PTPRD: variants seen among roughly 807,000 people sequenced by gnomAD.
The protein encoded by PTPRD is protein tyrosine phosphatase receptor type D.
PTPRD carries 34 observed loss-of-function variants against 214.5 expected under a neutral mutation model. The observed-to-expected ratio is 0.16, with a 90% CI of 0.12 to 0.21. PTPRD has a LOEUF of 0.21. Ranked by LOEUF, PTPRD falls within the 10% of genes least tolerant of loss-of-function variation. The pLI is 1.00. For synonymous variants in PTPRD, 1,128 were observed against 845.7 expected (o/e 1.33, Z -5.79); for missense variants, 2,545 against 2,398.7 (o/e 1.06, Z -1.27).
intron 14 of PTPRD, among the ~76,000 whole-genome samples, chr9:8,545,352 G>A (rs1407795796): frequency 6.6e-6 from 1 of 152,100 alleles, no homozygotes; most frequent in African/African-American, 2.4e-5. Context: ...GAGTTAATCG[G>A]GGGTACCTGG....
In PTPRD at chr9:9,486,150, C is replaced by CAAAAAAAAAAAAA. The variant is rs71319226; in HGVS notation, c.-237+88569_-237+88581dup. The stretch of plus-strand genomic sequence containing the variant: ...TGGGCAACAGAGCAAGACTCTCTCT[C>CAAAAAAAAAAAAA]AAAAAAAAAAAAAAAAAAAAAAAAA... On this transcript the variant is annotated intron_variant, in intron 8 of 45. Coordinates refer to ENST00000381196, the MANE Select transcript of PTPRD (RefSeq NM_002839.4). 3.6e-4 allele frequency among the ~76,000 whole-genome samples: 11 copies of CAAAAAAAAAAAAA among 30,166 alleles called. 4 individuals carry two copies. The highest frequency in any genetic ancestry group is 4.4e-3 in the East Asian group (2 of 452). The allele number at this position is 30,166 out of a possible 152,430, so 19.8% of individuals were successfully genotyped here.
At chr9:8,800,444 C>A (rs892664082) in intron 11 of PTPRD, among the ~76,000 whole-genome samples, 56 of 152,120 alleles carry the variant, frequency 3.7e-4, no homozygotes, top group African/African-American at 1.3e-3. Flanking sequence ...AAAGACCTTG[C>A]TCATAAAAAC....
At chr9:9,835,831 G>T (rs1046628734) in intron 5 of PTPRD, among the ~76,000 whole-genome samples, 1 of 152,046 alleles carries the variant, frequency 6.6e-6, no homozygotes, top group East Asian at 1.9e-4. Context: ...CCACCCTCCT[G>T]CCATATTGTA....
intron 12 of PTPRD, among the ~76,000 whole-genome samples, chr9:8,651,983 C>A (rs1596117188): frequency 6.6e-6 from 1 of 152,270 alleles, no homozygotes; most frequent in African/African-American, 2.4e-5. Flanking sequence ...CATTTCAGTG[C>A]CGATTATGCA....
chr9:9,320,933 G>A (rs1475246020), intron 9 of PTPRD, among the ~76,000 whole-genome samples: 1 of 152,030 alleles, frequency 6.6e-6, no homozygotes, highest in Non-Finnish European at 1.5e-5. Flanking sequence ...ACCTAAATAG[G>A]CTCCTTCAAG....
intron 2 of PTPRD, among the ~76,000 whole-genome samples, chr9:10,343,079 C>T (rs1464430146): frequency 6.6e-6 from 1 of 152,054 alleles, no homozygotes; most frequent in Non-Finnish European, 1.5e-5. Context: ...TTGCACACAT[C>T]AATTCCTCAT....
chr9:8,801,582 G>A (rs536935456), intron 11 of PTPRD, among the ~76,000 whole-genome samples: 322 of 152,206 alleles, frequency 2.1e-3, no homozygotes, highest in Non-Finnish European at 3.6e-3. Context: ...CAGGCATGGT[G>A]GCACATGCCT....
intron 10 of PTPRD, among the ~76,000 whole-genome samples, chr9:9,053,281 T>A (rs1347924683): frequency 6.6e-6 from 1 of 152,158 alleles, no homozygotes; most frequent in African/African-American, 2.4e-5. Flanking sequence ...CACTTAGGAA[T>A]ATCACATGAT....
At chr9:10,162,814 T>A (rs2099137216) in intron 3 of PTPRD, among the ~76,000 whole-genome samples, 1 of 149,688 alleles carries the variant, frequency 6.7e-6, no homozygotes, top group South Asian at 2.1e-4. Context: ...TAGCTTTACT[T>A]TATTAAGCTA....
In PTPRD at chr9:10,060,904, CTTT is replaced by C. The variant is rs2097762984; in HGVS notation, c.-544-27117_-544-27115del. On this transcript the variant is annotated intron_variant, in intron 3 of 45. Coordinates refer to ENST00000381196, the MANE Select transcript of PTPRD (RefSeq NM_002839.4). ...TCCTTCCTTCCTTCCTTCCTTCTTT[CTTT>C]CTTTCTTTCTTTCTTTCTTTCTTTC... 3.1e-4 allele frequency among the ~76,000 whole-genome samples: 21 copies of C among 68,160 alleles called. 1 individual carries two copies. The highest frequency in any genetic ancestry group is 2.6e-3 in the African/African-American group (19 of 7,226). The allele number at this position is 68,160 out of a possible 152,430, so 44.7% of individuals were successfully genotyped here.
intron 10 of PTPRD, among the ~76,000 whole-genome samples, chr9:9,117,994 C>A (rs1446494769): frequency 1.3e-5 from 2 of 152,168 alleles, no homozygotes; most frequent in African/African-American, 4.8e-5. Context: ...AATTTAACTA[C>A]ACGTTCTTAG....
chr9:9,342,911 T>C (rs543758765), intron 9 of PTPRD, among the ~76,000 whole-genome samples: 16 of 152,152 alleles, frequency 1.1e-4, no homozygotes, highest in African/African-American at 3.6e-4. Flanking sequence ...CCTCCCTGTA[T>C]GTGATGTTCC....
At chr9:9,217,778 G>A (rs557740198) in intron 9 of PTPRD, among the ~76,000 whole-genome samples, 18 of 152,068 alleles carry the variant, frequency 1.2e-4, no homozygotes, top group South Asian at 2.1e-4. Flanking sequence ...CCAAAATCCC[G>A]CCCAGCATTC....
chr9:8,568,525 G>T (rs1203427814), intron 14 of PTPRD, among the ~76,000 whole-genome samples: 2 of 152,126 alleles, frequency 1.3e-5, no homozygotes, highest in East Asian at 3.9e-4. Flanking sequence ...TTGAAAGGCT[G>T]ATTATTAACC....
intron 11 of PTPRD, among the ~76,000 whole-genome samples, chr9:8,782,328 A>T (rs2154494585): frequency 6.6e-6 from 1 of 152,254 alleles, no homozygotes; most frequent in East Asian, 1.9e-4. Flanking sequence ...TATTAACTGT[A>T]GTCAACAACT....
chr9:10,276,671 T>G (rs1378933318), intron 3 of PTPRD, among the ~76,000 whole-genome samples: 1 of 152,226 alleles, frequency 6.6e-6, no homozygotes, highest in Non-Finnish European at 1.5e-5. Context: ...ATACATATAT[T>G]GCACCTGGCA....
intron 8 of PTPRD, among the ~76,000 whole-genome samples, chr9:9,543,113 G>A (rs564333552): frequency 1.3e-5 from 2 of 151,668 alleles, no homozygotes; most frequent in Admixed American, 1.3e-4. Context: ...ACGAAATACC[G>A]CTTAGCCATA....
intron 3 of PTPRD, among the ~76,000 whole-genome samples, chr9:10,141,231 G>A (rs964609290): frequency 6.6e-6 from 1 of 152,096 alleles, no homozygotes; most frequent in South Asian, 2.1e-4. Context: ...ATTCAACATA[G>A]TGTTGGAATT....
intron 5 of PTPRD, among the ~76,000 whole-genome samples, chr9:9,883,154 C>T (rs1370831278): frequency 6.6e-6 from 1 of 151,954 alleles, no homozygotes; most frequent in Non-Finnish European, 1.5e-5. Flanking sequence ...GAACAAACCC[C>T]CCAAGAGGCG....
Sources: gnomAD v4.1 joint callset for allele counts (sites outside exome capture counted in the v4.1 genomes callset) on GRCh38, gnomAD v4.1.1 for gene constraint, MANE v1.5 for transcripts, NCBI Gene and HGNC (gene_info 2026-07-23, HGNC 2026-07-21) for gene names.